DMGDH: variants seen among roughly 807,000 people sequenced by gnomAD.
DMGDH encodes dimethylglycine dehydrogenase.
A neutral mutation model predicts 95.2 loss-of-function variants in DMGDH; 76 were observed. The ratio of observed to expected loss-of-function variants is 0.80; its 90% confidence interval spans 0.66 to 0.97. The LOEUF is 0.97. Among genes scored for constraint, DMGDH ranks in the 50% least tolerant of loss-of-function variants. The pLI, the probability that DMGDH is intolerant of heterozygous loss-of-function variation, is 0.00. For missense variants in DMGDH, 987 were observed against 1,055.0 expected, an observed-to-expected ratio of 0.94 and a Z score of 0.89; for synonymous variants, 345 against 377.6, an observed-to-expected ratio of 0.91 and a Z score of 1.00.
intron 9 of DMGDH, 77 bp downstream of exon 9, chr5:79,032,610 G>A: frequency 6.3e-7 from 1 of 1,585,436 alleles, no homozygotes; most frequent in Non-Finnish European, 8.7e-7. Flanking sequence ...GGAGTGTAAG[G>A]CAGAATCAGC....
chr5:79,033,643 G>A (rs911981994), intron 7 of DMGDH, among the ~76,000 whole-genome samples: 10 of 152,112 alleles, frequency 6.6e-5, no homozygotes, highest in African/African-American at 2.2e-4. Context: ...ATGTACACCT[G>A]CGAAATAGCT....
intron 14 of DMGDH, among the ~76,000 whole-genome samples, chr5:79,012,569 G>A (rs58547123): frequency 3.3e-5 from 5 of 152,358 alleles, no homozygotes; most frequent in African/African-American, 1.2e-4. Context: ...GTCTTAGGTA[G>A]ATGTTCTCCA....
chr5:79,060,913 T>C (rs1315859918), intron 2 of DMGDH, among the ~76,000 whole-genome samples: 1 of 124,662 alleles, frequency 8.0e-6, no homozygotes, highest in Non-Finnish European at 1.6e-5. Context: ...TGAGACTCTG[T>C]CTCAAAAAAA....
intron 4 of DMGDH, among the ~76,000 whole-genome samples, chr5:79,053,146 CT>C (rs147038898): frequency 0.097 from 14,704 of 151,818 alleles, 788 homozygotes; most frequent in Middle Eastern, 0.13. Flanking sequence ...TAGATATAAA[CT>C]TTTTTTTTAT....
intron 12 of DMGDH, 114 bp from the exon 13 acceptor site, chr5:79,026,695 T>C (rs1368579062): frequency 9.6e-6 from 14 of 1,462,638 alleles, no homozygotes; most frequent in Non-Finnish European, 1.3e-5. Flanking sequence ...AACACAGACA[T>C]TGTCAGTCTC....
chr5:79,045,144 A>G (rs115851381), intron 5 of DMGDH, among the ~76,000 whole-genome samples: 1 of 152,352 alleles, frequency 6.6e-6, no homozygotes, highest in African/African-American at 2.4e-5. Context: ...AAGCACATTA[A>G]GTTTTATCTG....
chr5:79,048,129 G>T (rs1438392210), intron 5 of DMGDH, among the ~76,000 whole-genome samples: 1 of 151,334 alleles, frequency 6.6e-6, no homozygotes. Context: ...TAATTGCAAT[G>T]ATCATAATAA....
chr5:78,998,374 A>G (rs1038533918), intron 15 of DMGDH, 77 bp from the exon 16 acceptor site: 3 of 1,390,370 alleles, frequency 2.2e-6, no homozygotes, highest in African/African-American at 1.4e-5. Flanking sequence ...AAAAAAAACT[A>G]AAATACAGAT....
chr5:79,028,252 A>C (rs933684), intron 12 of DMGDH, among the ~76,000 whole-genome samples, 181 bp downstream of exon 12: 50,088 of 151,948 alleles, frequency 0.33, 9,030 homozygotes, highest in African/African-American at 0.48. Context: ...CAGACTAGAC[A>C]TAAGAGCTGG....
At chr5:79,037,757 T>C (rs1268423536) in intron 7 of DMGDH, among the ~76,000 whole-genome samples, 2 of 152,242 alleles carry the variant, frequency 1.3e-5, no homozygotes, top group Non-Finnish European at 2.9e-5. Flanking sequence ...AGTGACTCTA[T>C]CTGCTCAGAA....
At chr5:79,036,522 C>G (rs1316333225) in intron 7 of DMGDH, among the ~76,000 whole-genome samples, 1 of 152,108 alleles carries the variant, frequency 6.6e-6, no homozygotes, top group Non-Finnish European at 1.5e-5. Context: ...CTTTTTTGGG[C>G]ATTGTGTTAG....
Position 79,061,259 on chromosome 5 carries a change from A to G in DMGDH, c.276+2354T>C, listed in dbSNP as rs560577579. On this transcript the variant is annotated intron_variant, in intron 2 of 15. Coordinates refer to ENST00000255189, the MANE Select transcript of DMGDH (RefSeq NM_013391.3). ...CACACACACACACACACACACACAC[A>G]CACACACAAACACCTAATATGTTGG... 2.1e-4 allele frequency among the ~76,000 whole-genome samples: 27 copies of G among 131,660 alleles called. No homozygotes were observed. The East Asian group carries it at 6.1e-3, about 30-fold the overall frequency. The allele number at this position is 131,660 out of a possible 152,430, so 86.4% of individuals were successfully genotyped here. A position where few individuals can be genotyped will look rare whatever the true frequency, so the allele number is the denominator to read the frequency against.
intron 12 of DMGDH, among the ~76,000 whole-genome samples, chr5:79,026,962 C>T (rs1333357246): frequency 6.6e-6 from 1 of 152,120 alleles, no homozygotes; most frequent in East Asian, 1.9e-4. Flanking sequence ...GCAACGAGTT[C>T]AAGGTTTAAA....
At chr5:79,004,579 A>G (rs1753510669) in intron 15 of DMGDH, among the ~76,000 whole-genome samples, 2 of 152,108 alleles carry the variant, frequency 1.3e-5, no homozygotes, top group African/African-American at 2.4e-5. Context: ...ACACACCCAC[A>G]CTCAGTTTCA....
intron 11 of DMGDH, 135 bp downstream of exon 11, chr5:79,029,767 AAT>A: frequency 2.1e-6 from 2 of 962,596 alleles, no homozygotes; most frequent in Non-Finnish European, 3.0e-6. Context: ...TATTAAAAAA[AAT>A]AAAGTTTATT....
At chr5:79,016,561 A>C (rs1267322132) in intron 14 of DMGDH, among the ~76,000 whole-genome samples, 1 of 152,254 alleles carries the variant, frequency 6.6e-6, no homozygotes, top group East Asian at 1.9e-4. Flanking sequence ...AAAACTATAA[A>C]AGATTCCTGA....
chr5:79,003,202 G>A (rs569781076), intron 15 of DMGDH, among the ~76,000 whole-genome samples: 35 of 152,296 alleles, frequency 2.3e-4, no homozygotes, highest in African/African-American at 7.7e-4. Flanking sequence ...AATGGGAATA[G>A]AGTGAAAAAT....
chr5:79,028,380 A>G, intron 12 of DMGDH, 53 bp downstream of exon 12: 2 of 1,467,390 alleles, frequency 1.4e-6, no homozygotes, highest in Non-Finnish European at 1.9e-6. Context: ...TTTAAATTTT[A>G]AATTGACCTT....
chr5:79,032,954 T>C, intron 8 of DMGDH, 114 bp from the exon 9 acceptor site: 1 of 1,220,748 alleles, frequency 8.2e-7, no homozygotes, highest in South Asian at 1.2e-5. Context: ...TAAACATACA[T>C]ACATACATAT....
Sources: gnomAD v4.1 joint callset for allele counts (sites outside exome capture counted in the v4.1 genomes callset) on GRCh38, gnomAD v4.1.1 for gene constraint, MANE v1.5 for transcripts, NCBI Gene and HGNC (gene_info 2026-07-23, HGNC 2026-07-21) for gene names.